ZNF625: variants seen among roughly 807,000 people sequenced by gnomAD.
The protein encoded by ZNF625 is zinc finger protein 625.
Under a neutral mutation model 11.1 loss-of-function variants are expected in ZNF625, and 8 were observed. The observed-to-expected ratio is 0.72, with a 90% CI of 0.42 to 1.30. ZNF625 has a LOEUF of 1.30. Among genes scored for constraint, ZNF625 ranks in the 50% most tolerant of loss-of-function variants. The probability of loss-of-function intolerance (pLI) is 0.01; values close to 1 mark genes in which losing one functional copy is unlikely to be tolerated. For missense variants in ZNF625, 349 were observed against 447.6 expected, an observed-to-expected ratio of 0.78 and a Z score of 1.99; for synonymous variants, 145 against 153.4, an observed-to-expected ratio of 0.95 and a Z score of 0.41.
At chr19:12,156,499 G>C (rs1270546080) in intron 1 of ZNF625, 57 bp downstream of exon 1, 5 of 1,384,506 alleles carry the variant, frequency 3.6e-6, no homozygotes, top group African/African-American at 1.5e-5. Flanking sequence ...GAGCCGGTTC[G>C]AGCCGGTTCC....
chr19:12,151,597 T>C (rs892810351), intron 1 of ZNF625, among the ~76,000 whole-genome samples: 14 of 152,030 alleles, frequency 9.2e-5, no homozygotes, highest in Non-Finnish European at 1.8e-4. Context: ...GCCAAGATGG[T>C]CTCGGTCTCC....
intron 1 of ZNF625, among the ~76,000 whole-genome samples, chr19:12,151,377 ATT>A (rs35302529): frequency 1.3e-4 from 15 of 111,656 alleles, no homozygotes; most frequent in Non-Finnish European, 1.1e-4. Flanking sequence ...CACCTGGGTA[ATT>A]TTTTTTTTTT....
intron 3 of ZNF625, among the ~76,000 whole-genome samples, chr19:12,146,781 A>G (rs1327976649): frequency 1.3e-5 from 2 of 151,954 alleles, no homozygotes; most frequent in Non-Finnish European, 2.9e-5. Flanking sequence ...GTCTTTGTCA[A>G]TTTTATTGCT....
In ZNF625 at chr19:12,148,189, A is replaced by G. The variant is rs146362435; in HGVS notation, c.4-387T>C. 1.8e-3 allele frequency among the ~76,000 whole-genome samples: 271 copies of G among 152,280 alleles called. 1 individual carries two copies. The highest frequency in any genetic ancestry group is 6.2e-3 in the African/African-American group (259 of 41,560). On this transcript the variant is annotated intron_variant, in intron 1 of 3. Transcript: ENST00000439556. ...GAGATGGGGTTTTACCATGTTGGCCAGACTGGTCTCCAACTCCTGACCACA... is the reference window on the plus strand; with the variant it reads ...GAGATGGGGTTTTACCATGTTGGCCGGACTGGTCTCCAACTCCTGACCACA...
At chr19:12,147,948 A>G (rs1976900248) in intron 1 of ZNF625, 146 bp from the exon 2 acceptor site, 16 of 889,244 alleles carry the variant, frequency 1.8e-5, no homozygotes, top group Non-Finnish European at 2.6e-5. Flanking sequence ...CTCTGTCAAC[A>G]CTCACTCTTC....
Position 12,145,710 on chromosome 19 carries a change from T to A in ZNF625, c.706A>T (p.Ile236Leu). The A allele has an allele frequency of 6.2e-7, 1 of 1,614,176 alleles. No homozygotes were observed. The highest frequency in any genetic ancestry group is 8.5e-7 in the Non-Finnish European group (1 of 1,180,036). ...TCTCCAGTGTGAGTTCTTTCATGTA[T>A]TCGAAGGCTACCAGAATGACTAAAG... ...KAFSHSGSLR[I>L]HERTHTGEKP... is the part of the protein sequence containing the mutation. Residue 236 changes from isoleucine to leucine, a missense_variant, in exon 4 of 4, where the codon ATA becomes TTA. Coordinates refer to ENST00000439556, the MANE Select transcript of ZNF625 (RefSeq NM_145233.4).
chr19:12,156,654 G>T lies in ZNF625; in HGVS notation c.-96C>A. Reference sequence around the variant, plus strand: ...TGGAGCGACAGAAGCTATGGCGGAGGCACCTGGTCCCTCTCGGGGCCGGAA... The same window carrying T: ...TGGAGCGACAGAAGCTATGGCGGAGTCACCTGGTCCCTCTCGGGGCCGGAA... On this transcript the variant is annotated 5_prime_UTR_variant, in exon 1 of 4. Coordinates refer to ENST00000439556, the MANE Select transcript of ZNF625 (RefSeq NM_145233.4). The T allele has an allele frequency of 8.5e-7, 1 of 1,182,160 alleles. No individual in the cohort carries two copies. Among genetic ancestry groups the T allele is most frequent in the Non-Finnish European group, 1.1e-6 (1 of 936,998 alleles). The allele number at this position is 1,182,160 out of a possible 1,614,324, so 73.2% of individuals were successfully genotyped here.
chr19:12,147,203 G>A (rs576859683), intron 3 of ZNF625, among the ~76,000 whole-genome samples, 192 bp downstream of exon 3: 17 of 152,172 alleles, frequency 1.1e-4, no homozygotes, highest in Admixed American at 2.6e-4. Context: ...TCCTGACCTC[G>A]TGATCCGCCT....
chr19:12,151,504 C>A (rs1418050061), intron 1 of ZNF625, among the ~76,000 whole-genome samples: 1 of 151,908 alleles, frequency 6.6e-6, no homozygotes, highest in Non-Finnish European at 1.5e-5. Context: ...CCTCAGCCTC[C>A]CGAGTAGCTG....
chr19:12,154,126 A>G (rs1018977643), intron 1 of ZNF625, among the ~76,000 whole-genome samples: 1 of 152,128 alleles, frequency 6.6e-6, no homozygotes, highest in Non-Finnish European at 1.5e-5. Context: ...ATTCTTTTGT[A>G]AAATATTGAA....
intron 1 of ZNF625, among the ~76,000 whole-genome samples, chr19:12,152,977 A>C (rs1976976468): frequency 6.6e-6 from 1 of 152,204 alleles, no homozygotes; most frequent in South Asian, 2.1e-4. Context: ...TCTCCCAAAG[A>C]TGAGACACAG....
intron 3 of ZNF625, among the ~76,000 whole-genome samples, chr19:12,146,970 A>AGTTTTTTTTTTTTTTTTTTT (rs1976883987): frequency 7.6e-6 from 1 of 130,820 alleles, no homozygotes; most frequent in African/African-American, 3.0e-5. Context: ...GTTTTTAGAG[A>AGTTTTTTTTTTTTTTTTTTT]TTTTTTTTTT....
chr19:12,149,970 A>G (rs1976932668), intron 1 of ZNF625, among the ~76,000 whole-genome samples: 1 of 152,136 alleles, frequency 6.6e-6, no homozygotes. Flanking sequence ...AACTGCTGAC[A>G]TCAGGTGATT....
chr19:12,153,984 T>A (rs1201074292), intron 1 of ZNF625, among the ~76,000 whole-genome samples: 2 of 151,682 alleles, frequency 1.3e-5, no homozygotes, highest in Non-Finnish European at 2.9e-5. Flanking sequence ...ATTTTTTGTA[T>A]TTTTAGTAGA....
chr19:12,145,968 A>C lies in ZNF625; in HGVS notation c.448T>G (p.Phe150Val), dbSNP rs1441145302. Residue 150 changes from phenylalanine to valine, a missense_variant, in exon 4 of 4, where the codon TTT becomes GTT. By Grantham distance (50) the Phe-to-Val change is conservative (BLOSUM62 -1). Transcript: ENST00000439556. ...CKKAFSDLPYFRTHEWAHTGG... is the reference protein window; with the variant it reads ...CKKAFSDLPYVRTHEWAHTGG... ...GTGTGAGCCCATTCATGTGTTCGAA[A>C]GTAGGGGAGATCACTGAAGGCTTTC... The C allele has an allele frequency of 6.2e-7, 1 of 1,614,200 alleles. No homozygotes were observed.
intron 1 of ZNF625, among the ~76,000 whole-genome samples, chr19:12,153,398 A>G (rs1261763961): frequency 6.6e-6 from 1 of 151,318 alleles, no homozygotes; most frequent in Non-Finnish European, 1.5e-5. Context: ...GTAAAGACAC[A>G]TGCACGGCTG....
At chr19:12,150,155 G>GA (rs1162887034) in intron 1 of ZNF625, among the ~76,000 whole-genome samples, 3 of 152,146 alleles carry the variant, frequency 2.0e-5, no homozygotes, top group Admixed American at 2.0e-4. Flanking sequence ...TGGCTCTGTG[G>GA]AAAAATGAAA....
In ZNF625 at chr19:12,146,111, C is replaced by T; in HGVS notation, c.305G>A (p.Cys102Tyr). 2.5e-6 allele frequency: 4 copies of T among 1,614,162 alleles called. No individual in the cohort carries two copies. In the South Asian group the frequency reaches 4.4e-5, roughly 18 times the overall value. The change falls in exon 4 of 4, where the codon TGT becomes TAT. Residue 102 changes from cysteine (C) to tyrosine (Y), a missense_variant. By Grantham distance (194) the Cys-to-Tyr change is radical. Transcript: ENST00000439556. ...LKKKTPRVKSCGEVSVGHASL... is the reference protein window; with the variant it reads ...LKKKTPRVKSYGEVSVGHASL... Reference sequence around the variant, plus strand: ...TGCATGACCCACGCTGACTTCTCCACATGATTTTACTCGGGGAGTTTTCTT... The same window carrying T: ...TGCATGACCCACGCTGACTTCTCCATATGATTTTACTCGGGGAGTTTTCTT...
At chr19:12,156,485 G>T in intron 1 of ZNF625, 71 bp downstream of exon 1, 2 of 1,332,646 alleles carry the variant, frequency 1.5e-6, no homozygotes, top group Non-Finnish European at 2.0e-6. Flanking sequence ...CCTGGGTCCT[G>T]CTAGAGCCGG....
Sources: allele counts gnomAD v4.1 joint callset (sites outside exome capture counted in the v4.1 genomes callset), GRCh38; gene constraint gnomAD v4.1.1; transcripts MANE v1.5; gene names NCBI Gene and HGNC (gene_info 2026-07-23, HGNC 2026-07-21).